Variants in KCTD1 observed in about 807,000 individuals in gnomAD.
KCTD1 encodes potassium channel tetramerization domain containing 1, also known as BTB/POZ domain-containing protein KCTD1.
A neutral mutation model predicts 66.0 loss-of-function variants in KCTD1; 24 were observed. The ratio of observed to expected loss-of-function variants is 0.36; its 90% CI spans 0.26 to 0.51. KCTD1 has a LOEUF of 0.51. Among genes scored for constraint, KCTD1 ranks in the 20% least tolerant of loss-of-function variants. The probability of loss-of-function intolerance (pLI) is 0.95; values close to 1 mark genes in which losing one functional copy is unlikely to be tolerated. For synonymous variants in KCTD1, 511 were observed against 517.2 expected (o/e 0.99, Z 0.16); for missense variants, 943 against 1,205.2 (o/e 0.78, Z 3.22).
At position 26,593,001 on chromosome 18, in the gene KCTD1, C is replaced by T. The variant is rs112509594; in HGVS notation, c.-16+36146G>A. The stretch of plus-strand genomic sequence containing the variant: ...GATGCTCAGTGAAGCTAATTTCTCC[C>T]CTTCCCTCCCGCTTCCTCACACCTA... On this transcript the variant is annotated intron_variant, in intron 1 of 4. Coordinates refer to the KCTD1 transcript ENST00000317932. 8.1e-4 allele frequency among the ~76,000 whole-genome samples: 123 copies of T among 152,344 alleles called. 2 individuals are homozygous for T. The highest frequency in any genetic ancestry group is 2.8e-3 in the African/African-American group (115 of 41,572).
chr18:26,465,003 G>C (rs1980644362), intron 3 of KCTD1, among the ~76,000 whole-genome samples: 2 of 152,190 alleles, frequency 1.3e-5, no homozygotes, highest in Admixed American at 6.5e-5. Flanking sequence ...GATGGAGGTT[G>C]GGGGAGTGGC....
At position 26,548,258 on chromosome 18, in the gene KCTD1, T is replaced by TTCC. The variant is rs143299522; in HGVS notation, c.276_278dup (p.Glu96dup). On this transcript the variant is annotated inframe_insertion, in exon 1 of 5. Coordinates refer to ENST00000580059, the MANE Select transcript of KCTD1 (RefSeq NM_001142730.3). ...CCCAGTCCAGCCCCATCTCCTCCTCTTCCTCCTCCTCCTCGTCCTCCTCCA... is the reference window on the plus strand; with the variant it reads ...CCCAGTCCAGCCCCATCTCCTCCTCTTCCTCCTCCTCCTCCTCGTCCTCCTCCA... 1.2e-5 allele frequency: 18 copies of TTCC among 1,508,178 alleles called. No homozygotes were observed. Among genetic ancestry groups the TTCC allele is most frequent in the Admixed American group, 8.1e-5 (4 of 49,234 alleles). The allele number at this position is 1,508,178 out of a possible 1,614,324, so 93.4% of individuals were successfully genotyped here.
At chr18:26,499,276 G>A (rs1003960648) in intron 2 of KCTD1, among the ~76,000 whole-genome samples, 3 of 152,068 alleles carry the variant, frequency 2.0e-5, no homozygotes, top group African/African-American at 7.2e-5. Flanking sequence ...TGTAGTTGAT[G>A]GTGGTATTAA....
intron 1 of KCTD1, among the ~76,000 whole-genome samples, chr18:26,650,660 TG>T (rs1988013723): frequency 6.6e-6 from 1 of 152,164 alleles, no homozygotes; most frequent in Admixed American, 6.6e-5. Context: ...TGGGAATGGA[TG>T]GGTAGGATAG....
Position 26,589,314 on chromosome 18 carries a change from C to G in KCTD1, c.-16+39833G>C, listed in dbSNP as rs376992852. 1.5e-4 allele frequency among the ~76,000 whole-genome samples: 23 copies of G among 152,350 alleles called. No homozygotes were observed. The East Asian group carries it at 2.3e-3, about 15-fold the overall frequency. ...AGTGAAGAATGAATAACAACATTAA[C>G]TGAGCATTTATTATATGCAAGCCAT... On this transcript the variant is annotated intron_variant, in intron 1 of 4. Transcript: ENST00000317932.
At chr18:26,650,503 C>G (rs1239191006) in intron 1 of KCTD1, among the ~76,000 whole-genome samples, 1 of 152,206 alleles carries the variant, frequency 6.6e-6, no homozygotes, top group African/African-American at 2.4e-5. Context: ...CTCTGAACAA[C>G]TCTAGGACTA....
At chr18:26,585,881 A>C (rs1382580269) in intron 1 of KCTD1, among the ~76,000 whole-genome samples, 4 of 152,156 alleles carry the variant, frequency 2.6e-5, no homozygotes, top group Non-Finnish European at 4.4e-5. Flanking sequence ...GTCTCTGTTA[A>C]AACAAAACAA....
intron 2 of KCTD1, among the ~76,000 whole-genome samples, chr18:26,484,405 A>G (rs1981807702): frequency 6.6e-6 from 1 of 152,208 alleles, no homozygotes; most frequent in South Asian, 2.1e-4. Flanking sequence ...GGGAGAAAGG[A>G]AAGGCAAGTT....
intron 3 of KCTD1, among the ~76,000 whole-genome samples, chr18:26,470,560 G>A (rs573582552): frequency 8.5e-5 from 13 of 152,346 alleles, no homozygotes; most frequent in East Asian, 3.9e-4. Flanking sequence ...CCTGGTCCTC[G>A]ATAACATTGC....
At chr18:26,536,911 C>A (rs1984735507) in intron 1 of KCTD1, among the ~76,000 whole-genome samples, 1 of 151,016 alleles carries the variant, frequency 6.6e-6, no homozygotes, top group Non-Finnish European at 1.5e-5. Context: ...CTCCATGATC[C>A]TTTTCATAAA....
chr18:26,502,821 A>C (rs1982835169), intron 1 of KCTD1, among the ~76,000 whole-genome samples: 1 of 152,242 alleles, frequency 6.6e-6, no homozygotes, highest in Non-Finnish European at 1.5e-5. Context: ...AGGGATTTTG[A>C]AAAATGCCTT....
At chr18:26,650,974 T>C (rs991652682) in intron 1 of KCTD1, among the ~76,000 whole-genome samples, 11 of 152,256 alleles carry the variant, frequency 7.2e-5, no homozygotes, top group African/African-American at 2.7e-4. Context: ...TCAGTTCCCA[T>C]TGGATAGAAA....
At chr18:26,620,030 T>C (rs1258142341) in intron 1 of KCTD1, among the ~76,000 whole-genome samples, 1 of 152,136 alleles carries the variant, frequency 6.6e-6, no homozygotes, top group Non-Finnish European at 1.5e-5. Flanking sequence ...CCCTGCATAA[T>C]GGTAGTTGCT....
chr18:26,502,290 C>T (rs980571824), intron 1 of KCTD1, among the ~76,000 whole-genome samples: 4 of 152,192 alleles, frequency 2.6e-5, no homozygotes, highest in African/African-American at 9.6e-5. Flanking sequence ...ACCTCGTGAT[C>T]CGCCCACCTC....
chr18:26,526,417 G>A (rs1429999300), intron 1 of KCTD1, among the ~76,000 whole-genome samples: 1 of 152,196 alleles, frequency 6.6e-6, no homozygotes, highest in Non-Finnish European at 1.5e-5. Flanking sequence ...CTGCAGAGCT[G>A]CAGGATTATT....
chr18:26,631,066 A>G (rs1007183931), upstream of KCTD1, among the ~76,000 whole-genome samples: 11 of 152,200 alleles, frequency 7.2e-5, no homozygotes, highest in Non-Finnish European at 1.0e-4. Flanking sequence ...TCATTTTGCC[A>G]CTGAAACTTA....
chr18:26,520,554 T>C (rs532558636), intron 1 of KCTD1, among the ~76,000 whole-genome samples: 1 of 150,498 alleles, frequency 6.6e-6, no homozygotes, highest in Non-Finnish European at 1.5e-5. Context: ...CACATGCTAA[T>C]TGACCTTAAT....
intron 1 of KCTD1, among the ~76,000 whole-genome samples, chr18:26,528,459 G>A (rs911227433): frequency 2.0e-5 from 3 of 152,208 alleles, no homozygotes; most frequent in African/African-American, 4.8e-5. Context: ...CCTATACTCC[G>A]CCATCTCTCT....
chr18:26,536,139 C>T (rs8089793), intron 1 of KCTD1, among the ~76,000 whole-genome samples: 103,964 of 152,018 alleles, frequency 0.68, 35,736 homozygotes, highest in East Asian at 0.82. Context: ...TGATTACTCA[C>T]AGTGTGGCCC....
Sources: gnomAD v4.1 joint callset for allele counts (sites outside exome capture counted in the v4.1 genomes callset) on GRCh38, gnomAD v4.1.1 for gene constraint, MANE v1.5 for transcripts, NCBI Gene and HGNC (gene_info 2026-07-23, HGNC 2026-07-21) for gene names.